MCF2L2: variants seen among roughly 807,000 people sequenced by gnomAD.
MCF2L2 encodes the protein MCF.2 cell line derived transforming sequence-like 2.
A neutral mutation model predicts 150.2 loss-of-function variants in MCF2L2; 102 were observed. The observed-to-expected ratio is 0.68, with a 90% CI of 0.58 to 0.80. The LOEUF is 0.80. Among genes scored for constraint, MCF2L2 ranks in the 30% least tolerant of loss-of-function variants. MCF2L2 has a pLI of 0.00. For synonymous variants in MCF2L2, 465 were observed against 491.3 expected, an observed-to-expected ratio of 0.95 and a Z score of 0.71; for missense variants, 1,256 against 1,372.8, an observed-to-expected ratio of 0.91 and a Z score of 1.34.
intron 1 of MCF2L2, among the ~76,000 whole-genome samples, chr3:183,402,954 T>A (rs1714849985): frequency 6.6e-6 from 1 of 151,886 alleles, no homozygotes. Flanking sequence ...TGATGATTAT[T>A]TACTTATTCT....
rs1341602271 is a variant in MCF2L2, at chr3:183,219,838, A to G, written c.2370+18T>C. On this transcript the variant is annotated intron_variant, in intron 21 of 29. Coordinates refer to ENST00000328913, the MANE Select transcript of MCF2L2 (RefSeq NM_015078.4). ...TTAATAGTTAGTTATATAAAATGTA[A>G]TATTTAATATTGAGTACCTTAGCCG... 1 of 1,540,058 alleles carries G rather than the reference A, an allele frequency of 6.5e-7. No individual in the cohort carries two copies. The highest frequency in any genetic ancestry group is 1.1e-5 in the South Asian group (1 of 89,092).
Position 183,179,384 on chromosome 3 carries a change from C to G in MCF2L2, c.3341G>C (p.Ser1114Thr), listed in dbSNP as rs1721430446. 2 of 1,515,212 alleles carry G rather than the reference C, an allele frequency of 1.3e-6. No individual in the cohort carries two copies. Among genetic ancestry groups the G allele is most frequent in the African/African-American group, 1.4e-5 (1 of 70,896 alleles). 93.9% of individuals were successfully genotyped at this position (1,515,212 alleles called of 1,614,324 possible). A position where few individuals can be genotyped will look rare whatever the true frequency, so the allele number is the denominator to read the frequency against. ...GCGGGGGCGTCCGCAGGGAGGTCAG[C>G]TCTCCTGGGCGGAGGTCCTCGGGCG... ...ALRPRTSAQES is the reference protein window; with the variant it reads ...ALRPRTSAQET The change falls in exon 30 of 30, where the codon AGC becomes ACC. Residue 1114 changes from serine (S) to threonine (T), a missense_variant. Transcript: ENST00000328913. The surrounding 1 kb of genome is among the most constrained non-coding windows in gnomAD (Gnocchi z 4.2).
At chr3:183,208,819 T>C (rs7609994) in intron 22 of MCF2L2, among the ~76,000 whole-genome samples, 1 of 152,198 alleles carries the variant, frequency 6.6e-6, no homozygotes, top group Non-Finnish European at 1.5e-5. Flanking sequence ...ATTTTTATAA[T>C]TTATTGTTTA....
At chr3:183,265,684 C>G (rs2108432796) in intron 15 of MCF2L2, 1 of 152,324 alleles carries the variant, frequency 6.6e-6, no homozygotes, top group Non-Finnish European at 1.5e-5. Context: ...TTCAGATGTT[C>G]TTTTGTTATA....
rs1482165820 is a variant in MCF2L2, at chr3:183,375,569, C to T, written c.275+3728G>A. The stretch of plus-strand genomic sequence containing the variant: ...TTTTTCAGTCCTTTACAGCATCGTA[C>T]ACCGCACCCTACATGCTGTGGGCTC... On this transcript the variant is annotated intron_variant, in intron 3 of 29. Transcript: ENST00000328913. 3.9e-5 allele frequency: 6 copies of T among 152,176 alleles called. 1 individual carries two copies. Among genetic ancestry groups the T allele is most frequent in the Non-Finnish European group, 7.3e-5 (5 of 68,054 alleles). 9.4% of individuals were successfully genotyped at this position (152,176 alleles called of 1,614,324 possible).
intron 1 of MCF2L2, among the ~76,000 whole-genome samples, chr3:183,422,711 G>C (rs1388702510): frequency 6.6e-6 from 1 of 152,176 alleles, no homozygotes; most frequent in African/African-American, 2.4e-5. Context: ...GTCATGCTCA[G>C]GTACCATAGA....
chr3:183,301,615 G>A (rs1728851376), intron 10 of MCF2L2, among the ~76,000 whole-genome samples: 1 of 151,978 alleles, frequency 6.6e-6, no homozygotes, highest in East Asian at 1.9e-4. Context: ...GGCAACACAG[G>A]GAAACCCCAT....
intron 10 of MCF2L2, among the ~76,000 whole-genome samples, chr3:183,300,998 G>C (rs1445415053): frequency 2.5e-5 from 3 of 120,536 alleles, no homozygotes; most frequent in Non-Finnish European, 4.8e-5. Flanking sequence ...CTGGGTGACA[G>C]AGCAAGACTC....
At chr3:183,180,443 T>C (rs995922348) in intron 27 of MCF2L2, 3 of 393,980 alleles carry the variant, frequency 7.6e-6, no homozygotes, top group Non-Finnish European at 1.4e-5. Context: ...TTTTTTGTGT[T>C]TGCCAGTCTT....
intron 10 of MCF2L2, among the ~76,000 whole-genome samples, chr3:183,309,041 A>G (rs956487160): frequency 1.3e-5 from 2 of 152,234 alleles, no homozygotes; most frequent in African/African-American, 4.8e-5. Flanking sequence ...CCAAATCTGT[A>G]AACACTTAAA....
chr3:183,280,859 AAAACAAACAAGC>A (rs1727432056), intron 14 of MCF2L2, among the ~76,000 whole-genome samples: 1 of 151,572 alleles, frequency 6.6e-6, no homozygotes, highest in Admixed American at 6.6e-5. Flanking sequence ...AAAAAAAAAA[AAAACAAACAAGC>A]AAACAAACAA....
rs909922855 is a variant in MCF2L2, at chr3:183,218,330, A to T, written c.2370+1526T>A. 3.3e-5 allele frequency among the ~76,000 whole-genome samples: 5 copies of T among 152,208 alleles called. No homozygotes were observed. The East Asian group carries it at 9.6e-4, about 29-fold the overall frequency. Reference sequence around the variant, plus strand: ...TCTCACCTGAATTTATTTTAACAACATCAATAAGGGATTAAGAGTTCTTGG... The same window carrying T: ...TCTCACCTGAATTTATTTTAACAACTTCAATAAGGGATTAAGAGTTCTTGG... On this transcript the variant is annotated intron_variant, in intron 21 of 29. Transcript: ENST00000328913.
chr3:183,402,486 C>CTAGAGGG (rs1189455497), intron 1 of MCF2L2, among the ~76,000 whole-genome samples: 3 of 122,090 alleles, frequency 2.5e-5, no homozygotes, highest in Non-Finnish European at 5.7e-5. Flanking sequence ...ATATAAAAGG[C>CTAGAGGG]TAGAGGGTAG....
intron 22 of MCF2L2, among the ~76,000 whole-genome samples, chr3:183,208,859 T>A (rs564403308): frequency 7.9e-5 from 12 of 152,362 alleles, no homozygotes; most frequent in South Asian, 2.1e-4. Flanking sequence ...GTATCTTTTT[T>A]AAAAAGGAAT....
chr3:183,273,614 C>T (rs1560394857), intron 15 of MCF2L2, among the ~76,000 whole-genome samples: 4 of 152,162 alleles, frequency 2.6e-5, no homozygotes, highest in South Asian at 2.1e-4. Context: ...TTTCGGTTAA[C>T]GATGGATCAC....
intron 1 of MCF2L2, among the ~76,000 whole-genome samples, chr3:183,399,671 C>A (rs1208517506): frequency 1.3e-5 from 2 of 152,218 alleles, no homozygotes; most frequent in African/African-American, 4.8e-5. Flanking sequence ...TGAAGCCTTT[C>A]AGACTTGACA....
In MCF2L2 at chr3:183,270,761, A is replaced by C; in HGVS notation, c.1862+6111T>G. 6.2e-7 allele frequency: 1 copy of C among 1,613,796 alleles called. No homozygotes were observed. Among genetic ancestry groups the C allele is most frequent in the Middle Eastern group, 1.7e-4 (1 of 6,060 alleles). Reference sequence around the variant, plus strand: ...CCTGCATCTATGAAAAAATGATGACATCTCATGGACACTTAGAAGATCTCC... The same window carrying C: ...CCTGCATCTATGAAAAAATGATGACCTCTCATGGACACTTAGAAGATCTCC... On this transcript the variant is annotated intron_variant, in intron 15 of 29. Transcript: ENST00000328913. This position sits in a 1 kb window ranked among gnomAD's most constrained non-coding sequence, Gnocchi z 4.5.
intron 7 of MCF2L2, among the ~76,000 whole-genome samples, chr3:183,314,673 G>A (rs1269050290): frequency 2.0e-5 from 3 of 151,770 alleles, no homozygotes; most frequent in African/African-American, 4.8e-5. Flanking sequence ...TATATCACAC[G>A]CTACAACTTT....
intron 13 of MCF2L2, among the ~76,000 whole-genome samples, chr3:183,294,966 T>C (rs1241075805): frequency 6.6e-6 from 1 of 152,114 alleles, no homozygotes; most frequent in Admixed American, 6.5e-5. Context: ...TTTCAACATG[T>C]TGGCCAGGCT....
Sources: gnomAD v4.1 joint callset for allele counts (sites outside exome capture counted in the v4.1 genomes callset) on GRCh38, gnomAD v4.1.1 for gene constraint, Gnocchi (gnomAD v3.1) non-coding constraint, MANE v1.5 for transcripts, NCBI Gene and HGNC (gene_info 2026-07-23, HGNC 2026-07-21) for gene names.